The following SPIDR variants were observed in gnomAD, a reference collection of about 807,000 sequenced individuals.
SPIDR encodes scaffold protein involved in DNA repair.
Under a neutral mutation model 104.6 loss-of-function variants are expected in SPIDR, and 93 were observed. The observed-to-expected ratio is 0.89, with a 90% confidence interval of 0.75 to 1.06. The LOEUF (loss-of-function observed/expected upper bound fraction) is 1.06. Ranked by LOEUF, SPIDR falls within the 50% of genes least tolerant of loss-of-function variation. The pLI, the probability that SPIDR is intolerant of heterozygous loss-of-function variation, is 0.00. For synonymous variants in SPIDR, 431 were observed against 416.9 expected, an observed-to-expected ratio of 1.03 and a Z score of -0.41; for missense variants, 1,154 against 1,111.2, an observed-to-expected ratio of 1.04 and a Z score of -0.55.
chr8:47,297,885 C>A (rs997438523), intron 5 of SPIDR, among the ~76,000 whole-genome samples: 7 of 152,170 alleles, frequency 4.6e-5, no homozygotes, highest in Non-Finnish European at 8.8e-5. Context: ...GCTTCCAAGT[C>A]TTTGCTATTG....
intron 16 of SPIDR, among the ~76,000 whole-genome samples, 196 bp downstream of exon 16, chr8:47,713,837 A>C (rs2082200058): frequency 6.6e-6 from 1 of 152,184 alleles, no homozygotes; most frequent in Admixed American, 6.5e-5. Context: ...TCAGACGAAC[A>C]CAGACAGGCC....
At chr8:47,286,556 T>C (rs1299371293) in intron 3 of SPIDR, among the ~76,000 whole-genome samples, 3 of 152,112 alleles carry the variant, frequency 2.0e-5, no homozygotes, top group African/African-American at 7.2e-5. Context: ...CTGCAGTCCA[T>C]CCTGGGTGAC....
intron 19 of SPIDR, chr8:47,731,988 C>G (rs1415450661): frequency 1.7e-6 from 1 of 601,454 alleles, no homozygotes; most frequent in African/African-American, 1.9e-5. Context: ...GCATGGCACA[C>G]AGCTCTCCAG....
intron 8 of SPIDR, among the ~76,000 whole-genome samples, chr8:47,587,280 A>G (rs1475977491): frequency 1.3e-5 from 2 of 152,148 alleles, no homozygotes; most frequent in Non-Finnish European, 2.9e-5. Flanking sequence ...ATGATTATCC[A>G]AAGTCTATCC....
At chr8:47,695,482 T>C (rs2079201303) in intron 11 of SPIDR, among the ~76,000 whole-genome samples, 1 of 152,228 alleles carries the variant, frequency 6.6e-6, no homozygotes, top group Admixed American at 6.5e-5. Flanking sequence ...CATTGTGGCT[T>C]AAATCTCCTA....
chr8:47,562,006 T>C (rs1005160519), intron 8 of SPIDR, among the ~76,000 whole-genome samples: 2 of 152,242 alleles, frequency 1.3e-5, no homozygotes, highest in African/African-American at 4.8e-5. Flanking sequence ...TTTTCCAATC[T>C]TTCCAAGTTT....
chr8:47,269,568 TAAAA>T (rs76483348), intron 1 of SPIDR, among the ~76,000 whole-genome samples: 1 of 132,058 alleles, frequency 7.6e-6, no homozygotes, highest in Admixed American at 7.7e-5. Context: ...CCATGTCTCT[TAAAA>T]AAAAAAAAAA....
intron 10 of SPIDR, among the ~76,000 whole-genome samples, chr8:47,616,982 A>T (rs2064405956): frequency 6.6e-6 from 1 of 152,150 alleles, no homozygotes; most frequent in African/African-American, 2.4e-5. Context: ...TATTACCAGG[A>T]CAATTTTGAG....
At chr8:47,687,631 G>A (rs1057256332) in intron 11 of SPIDR, among the ~76,000 whole-genome samples, 12 of 152,222 alleles carry the variant, frequency 7.9e-5, no homozygotes, top group Non-Finnish European at 8.8e-5. Flanking sequence ...CACTCATTAA[G>A]CCACCACTGT....
chr8:47,680,713 T>C (rs2076989964), intron 11 of SPIDR, among the ~76,000 whole-genome samples: 2 of 152,244 alleles, frequency 1.3e-5, no homozygotes, highest in Admixed American at 1.3e-4. Context: ...GAAACCCTGC[T>C]TCAAAGGACA....
In SPIDR at chr8:47,396,343, TA is replaced by T. The variant is rs781963884; in HGVS notation, c.526-28del. On this transcript the variant is annotated intron_variant, in intron 5 of 19. Transcript: ENST00000297423. ...ACTTGAATAAAGTATCCTTTGTATT[TA>T]AAAATATGCCTTTCTTTTAATTTTT... The T allele has an allele frequency of 4.0e-6, 6 of 1,516,490 alleles. No individual in the cohort carries two copies. The Admixed American group carries it at 8.7e-5, about 22-fold the overall frequency. The allele number at this position is 1,516,490 out of a possible 1,614,324, so 93.9% of individuals were successfully genotyped here. A position where few individuals can be genotyped will look rare whatever the true frequency, so the allele number is the denominator to read the frequency against.
At chr8:47,511,274 C>T (rs150833920) in intron 8 of SPIDR, 122 of 1,531,516 alleles carry the variant, frequency 8.0e-5, no homozygotes, top group Non-Finnish European at 9.7e-5. Context: ...GTCTCTGATT[C>T]GACGATTAAG....
At chr8:47,603,757 A>C (rs540860501) in intron 10 of SPIDR, among the ~76,000 whole-genome samples, 1 of 152,300 alleles carries the variant, frequency 6.6e-6, no homozygotes, top group South Asian at 2.1e-4. Context: ...CATTGCAGAA[A>C]TATTTTAAAG....
chr8:47,261,586 T>G (rs1306823632), intron 1 of SPIDR, among the ~76,000 whole-genome samples: 1 of 152,228 alleles, frequency 6.6e-6, no homozygotes, highest in Non-Finnish European at 1.5e-5. Context: ...CATGTGTCCT[T>G]TATCGTTTTA....
At chr8:47,270,191 G>A (rs1426256835) in intron 1 of SPIDR, among the ~76,000 whole-genome samples, 1 of 152,126 alleles carries the variant, frequency 6.6e-6, no homozygotes, top group African/African-American at 2.4e-5. Context: ...TCTGTATTTT[G>A]GAAGAGTTTG....
chr8:47,522,205 A>G (rs1300050318), intron 8 of SPIDR, among the ~76,000 whole-genome samples: 3 of 151,856 alleles, frequency 2.0e-5, no homozygotes, highest in Non-Finnish European at 4.4e-5. Flanking sequence ...AAAAAAAGAA[A>G]CATGAATGAG....
intron 10 of SPIDR, chr8:47,673,306 A>G: frequency 2.4e-6 from 1 of 418,760 alleles, no homozygotes; most frequent in Non-Finnish European, 4.8e-6. Flanking sequence ...ATGCGTGTCT[A>G]AACGTGTACT....
chr8:47,311,022 A>G (rs1479509791), intron 5 of SPIDR, among the ~76,000 whole-genome samples: 6 of 152,216 alleles, frequency 3.9e-5, no homozygotes, highest in Admixed American at 2.6e-4. Context: ...TATGACTCCT[A>G]TGTTAGAATT....
intron 17 of SPIDR, among the ~76,000 whole-genome samples, chr8:47,727,577 A>T (rs1301015062): frequency 1.3e-5 from 2 of 152,104 alleles, no homozygotes; most frequent in Non-Finnish European, 2.9e-5. Context: ...AACAGGACAA[A>T]CATGAATAAG....
Sources: gnomAD v4.1 joint callset for allele counts (sites outside exome capture counted in the v4.1 genomes callset) on GRCh38, gnomAD v4.1.1 for gene constraint, MANE v1.5 for transcripts, NCBI Gene and HGNC (gene_info 2026-07-23, HGNC 2026-07-21) for gene names.